CLCC1: variants seen among roughly 807,000 people sequenced by gnomAD.
The protein encoded by CLCC1 is chloride channel CLIC-like protein 1.
A neutral mutation model predicts 63.3 loss-of-function variants in CLCC1; 39 were observed. The ratio of observed to expected loss-of-function variants is 0.62; its 90% confidence interval spans 0.48 to 0.81. CLCC1 has a LOEUF of 0.81. CLCC1 is among the 30% of genes least tolerant of loss of function. The probability of loss-of-function intolerance (pLI) is 0.00; values close to 1 mark genes in which losing one functional copy is unlikely to be tolerated. For missense variants in CLCC1, 549 were observed against 669.4 expected (o/e 0.82, Z 1.98); for synonymous variants, 217 against 239.8 (o/e 0.90, Z 0.88).
Position 108,947,728 on chromosome 1 carries a change from T to C in CLCC1, c.232-10A>G, listed in dbSNP as rs760324712. The C allele has an allele frequency of 1.9e-6, 3 of 1,545,968 alleles. No homozygotes were observed. Among genetic ancestry groups the C allele is most frequent in the Middle Eastern group, 1.7e-4 (1 of 5,904 alleles). On this transcript the variant is annotated splice_polypyrimidine_tract_variant and intron_variant, in intron 4 of 12. Transcript: ENST00000369969. ...TTTCACACTCATCAATCTGTAACCATAAAATCAATTCAACATTAGTTAGAG... is the reference window on the plus strand; with the variant it reads ...TTTCACACTCATCAATCTGTAACCACAAAATCAATTCAACATTAGTTAGAG...
chr1:108,941,618 A>T (rs1653851910), intron 7 of CLCC1, 120 bp from the exon 8 acceptor site: 2 of 505,112 alleles, frequency 4.0e-6, no homozygotes, highest in Middle Eastern at 3.3e-4. Context: ...ACTGTTATAA[A>T]TTTTTAATTA....
chr1:108,950,926 A>T (rs371406378), intron 2 of CLCC1, among the ~76,000 whole-genome samples: 45 of 152,224 alleles, frequency 3.0e-4, no homozygotes, highest in African/African-American at 1.1e-3. Context: ...TCATATATTA[A>T]AAAAATGCAT....
intron 2 of CLCC1, among the ~76,000 whole-genome samples, chr1:108,960,293 G>A (rs947844326): frequency 6.6e-5 from 10 of 152,222 alleles, no homozygotes; most frequent in African/African-American, 2.4e-4. Context: ...GGAGAGTGAA[G>A]GCTAATCAGG....
In CLCC1 at chr1:108,963,445, G is replaced by A. The variant is rs1002547234; in HGVS notation, c.-257C>T. On this transcript the variant is annotated 5_prime_UTR_variant, in exon 1 of 13. Coordinates refer to ENST00000369969, the MANE Select transcript of CLCC1 (RefSeq NM_001377458.1). Reference sequence around the variant, plus strand: ...GGTCGCACAGCTTGCCGCCGCCCAGGGTTTCAGCGTGCTTCCTGGGCCTCG... The same window carrying A: ...GGTCGCACAGCTTGCCGCCGCCCAGAGTTTCAGCGTGCTTCCTGGGCCTCG... The A allele has an allele frequency of 2.7e-5, 19 of 702,258 alleles. No individual in the cohort carries two copies. Among genetic ancestry groups the A allele is most frequent in the Admixed American group, 4.0e-5 (2 of 49,994 alleles). The allele number at this position is 702,258 out of a possible 1,614,324, so 43.5% of individuals were successfully genotyped here.
At chr1:108,947,388 A>G (rs1571049437) in intron 5 of CLCC1, among the ~76,000 whole-genome samples, 1 of 152,320 alleles carries the variant, frequency 6.6e-6, no homozygotes, top group East Asian at 1.9e-4. Context: ...AAATCCATAC[A>G]AACTAGAGGA....
At chr1:108,963,220 C>T (rs946032357) in intron 1 of CLCC1, 141 bp downstream of exon 1, 2 of 468,100 alleles carry the variant, frequency 4.3e-6, no homozygotes, top group African/African-American at 2.0e-5. Context: ...AGCGGACGCA[C>T]GCAGCTAGCA....
chr1:108,937,526 G>T, intron 10 of CLCC1, 108 bp from the exon 11 acceptor site: 3 of 956,294 alleles, frequency 3.1e-6, no homozygotes, highest in Non-Finnish European at 4.5e-6. Context: ...TAACTTACTT[G>T]TGGCATTTAT....
intron 5 of CLCC1, among the ~76,000 whole-genome samples, chr1:108,946,056 TC>T (rs1654491958): frequency 6.6e-6 from 1 of 152,034 alleles, no homozygotes; most frequent in South Asian, 2.1e-4. Context: ...ATGCCTATAA[TC>T]CCAGCACTTT....
At chr1:108,961,174 G>A (rs1256371767) in intron 2 of CLCC1, among the ~76,000 whole-genome samples, 1 of 151,516 alleles carries the variant, frequency 6.6e-6, no homozygotes, top group Admixed American at 6.6e-5. Context: ...AAGCCCTCCT[G>A]CCAGATCCCC....
chr1:108,946,721 T>C (rs1262914614), intron 5 of CLCC1, among the ~76,000 whole-genome samples: 1 of 152,220 alleles, frequency 6.6e-6, no homozygotes, highest in Non-Finnish European at 1.5e-5. Flanking sequence ...AAAAAGTCTA[T>C]GAGCTTTTAA....
At chr1:108,937,465 TACAA>T in intron 10 of CLCC1, 47 bp from the exon 11 acceptor site, 1 of 1,442,896 alleles carries the variant, frequency 6.9e-7, no homozygotes, top group Non-Finnish European at 9.3e-7. Flanking sequence ...ATGGCTAACT[TACAA>T]AAGTTATGAG....
chr1:108,933,800 T>C (rs1186416843), intron 12 of CLCC1: 3 of 152,232 alleles, frequency 2.0e-5, no homozygotes, highest in African/African-American at 7.2e-5. Flanking sequence ...CCAACTCTCT[T>C]CTTCCTCATC....
chr1:108,960,371 G>C (rs1436006497), intron 2 of CLCC1, among the ~76,000 whole-genome samples: 1 of 152,196 alleles, frequency 6.6e-6, no homozygotes, highest in South Asian at 2.1e-4. Flanking sequence ...CAAGAAAGTG[G>C]TATCAAGCGT....
At position 108,940,151 on chromosome 1, in the gene CLCC1, A is replaced by T. The variant is rs1308191897; in HGVS notation, c.797-9T>A. 6.5e-7 allele frequency: 1 copy of T among 1,529,922 alleles called. No homozygotes were observed. The highest frequency in any genetic ancestry group is 1.7e-5 in the Admixed American group (1 of 57,490). The allele number at this position is 1,529,922 out of a possible 1,614,324, so 94.8% of individuals were successfully genotyped here. A position where few individuals can be genotyped will look rare whatever the true frequency, so the allele number is the denominator to read the frequency against. On this transcript the variant is annotated splice_polypyrimidine_tract_variant and intron_variant, in intron 8 of 12. Transcript: ENST00000369969. ...TGAACTTCTAAACCATTCTGTTTAG[A>T]GAAACAGACAAAACACTGATCATTT...
intron 2 of CLCC1, among the ~76,000 whole-genome samples, chr1:108,959,573 A>C (rs1472585994): frequency 1.3e-5 from 2 of 152,202 alleles, no homozygotes; most frequent in African/African-American, 2.4e-5. Flanking sequence ...ATTGCTGTTA[A>C]TCTCTTACTG....
At chr1:108,954,454 C>T (rs1242228964) in intron 2 of CLCC1, among the ~76,000 whole-genome samples, 1 of 151,064 alleles carries the variant, frequency 6.6e-6, no homozygotes, top group African/African-American at 2.5e-5. Context: ...GAGCCGAGAT[C>T]GTGCCACTTC....
intron 10 of CLCC1, among the ~76,000 whole-genome samples, chr1:108,938,595 G>A (rs541735357): frequency 5.3e-5 from 8 of 152,202 alleles, no homozygotes; most frequent in South Asian, 4.2e-4. Context: ...CTAAAAAATC[G>A]ATAACAAAAA....
intron 8 of CLCC1, 108 bp from the exon 9 acceptor site, chr1:108,940,250 G>T: frequency 1.8e-6 from 1 of 554,062 alleles, no homozygotes; most frequent in Non-Finnish European, 3.1e-6. Flanking sequence ...CCACCAATGA[G>T]TTTTAAATTA....
chr1:108,943,397 T>A, intron 7 of CLCC1, 78 bp downstream of exon 7: 1 of 1,457,934 alleles, frequency 6.9e-7, no homozygotes, highest in Non-Finnish European at 9.5e-7. Flanking sequence ...CAAGGCAAGA[T>A]TGCTCTCAAT....
Sources: gnomAD v4.1 joint callset for allele counts (sites outside exome capture counted in the v4.1 genomes callset) on GRCh38, gnomAD v4.1.1 for gene constraint, MANE v1.5 for transcripts, NCBI Gene and HGNC (gene_info 2026-07-23, HGNC 2026-07-21) for gene names.